The following PI4KA variants were observed in gnomAD, a reference collection of about 807,000 sequenced individuals.
PI4KA encodes the protein PI4-kinase alpha.
PI4KA carries 122 observed loss-of-function variants against 271.4 expected under a neutral mutation model. The ratio of observed to expected loss-of-function variants is 0.45; its 90% CI spans 0.39 to 0.52. PI4KA has a LOEUF of 0.52. PI4KA is among the 20% of genes least tolerant of loss of function. The probability of loss-of-function intolerance (pLI) is 0.00; values close to 1 mark genes in which losing one functional copy is unlikely to be tolerated. For synonymous variants in PI4KA, 1,041 were observed against 1,078.8 expected (o/e 0.96, Z 0.69); for missense variants, 1,969 against 2,769.1 (o/e 0.71, Z 6.48).
At chr22:20,777,211 TTTC>T (rs983308447) in intron 19 of PI4KA, among the ~76,000 whole-genome samples, 6 of 151,356 alleles carry the variant, frequency 4.0e-5, no homozygotes, top group African/African-American at 1.5e-4. Flanking sequence ...GCTAATTATT[TTTC>T]TTTTCTTTTT....
chr22:20,740,061 C>CAAAAAAA (rs59323542), intron 32 of PI4KA, among the ~76,000 whole-genome samples: 12 of 73,356 alleles, frequency 1.6e-4, no homozygotes, highest in African/African-American at 2.0e-4. Context: ...GACCCCATCT[C>CAAAAAAA]AAAAAAAAAA....
In PI4KA at chr22:20,755,788, C is replaced by T. The variant is rs77884527; in HGVS notation, c.2792-2608G>A. ...CTGCACTCTAGGCTGGGTGACAGAG[C>T]GACACACTGTCACATAAAAAAAAAA... is the stretch of plus-strand genomic sequence containing the variant. On this transcript the variant is annotated intron_variant, in intron 23 of 54. Transcript: ENST00000255882. 1.4e-4 allele frequency among the ~76,000 whole-genome samples: 20 copies of T among 145,980 alleles called. 1 individual carries two copies. The East Asian group carries it at 1.6e-3, about 12-fold the overall frequency.
Position 20,858,793 on chromosome 22 carries a change from C to G in PI4KA, c.-68G>C, listed in dbSNP as rs948854191. ...GGCCCGCGAGCGCCCGACCTCAGGG[C>G]GCAGGCGTAGGTGCATCCGGCTTTC... On this transcript the variant is annotated 5_prime_UTR_variant, in exon 1 of 55. Transcript: ENST00000255882. 2.9e-6 allele frequency: 4 copies of G among 1,367,162 alleles called. No individual in the cohort carries two copies. Among genetic ancestry groups the G allele is most frequent in the South Asian group, 3.1e-5 (2 of 64,832 alleles). 84.7% of individuals were successfully genotyped at this position (1,367,162 alleles called of 1,614,324 possible).
chr22:20,847,929 A>G (rs1821546152), intron 1 of PI4KA, among the ~76,000 whole-genome samples: 1 of 152,154 alleles, frequency 6.6e-6, no homozygotes, highest in Non-Finnish European at 1.5e-5. Flanking sequence ...AGATCAAAAC[A>G]GTTACTATTG....
chr22:20,756,300 C>T (rs1364579202), intron 23 of PI4KA, among the ~76,000 whole-genome samples: 2 of 151,642 alleles, frequency 1.3e-5, no homozygotes, highest in Admixed American at 6.6e-5. Context: ...CAACCTCCGA[C>T]GGGTTGCATT....
rs1268010562 is a variant in PI4KA at position 20,771,380 on chromosome 22, G to A, written c.2329-5687C>T. Among the ~76,000 whole-genome samples the A allele has an allele frequency of 8.0e-5, 12 of 149,342 alleles. No homozygotes were observed. In the East Asian group the frequency reaches 8.1e-4, roughly 10 times the overall value. On this transcript the variant is annotated intron_variant, in intron 19 of 54. Transcript: ENST00000255882. The stretch of plus-strand genomic sequence containing the variant: ...GGAGCTTGCAGTGAGCTGAGATTGC[G>A]CCACTGCACTCCAGCCTGGGCGACA...
At chr22:20,818,415 C>G in intron 7 of PI4KA, 68 bp downstream of exon 7, 1 of 1,212,174 alleles carries the variant, frequency 8.2e-7, no homozygotes, top group Non-Finnish European at 1.2e-6. Context: ...CTTAATATCA[C>G]GAGAAGTCAC....
chr22:20,858,726 C>G lies in PI4KA; in HGVS notation c.-1G>C. ...CTCCCCGGGCCGGGGCCGCCGCCAT[C>G]ACCTCACGAGCCGCGGCGCTGCCCG... On this transcript the variant is annotated 5_prime_UTR_variant, in exon 1 of 55. Transcript: ENST00000255882. The G allele has an allele frequency of 7.0e-7, 1 of 1,434,888 alleles. No homozygotes were observed. The highest frequency in any genetic ancestry group is 9.1e-7 in the Non-Finnish European group (1 of 1,097,396). The allele number at this position is 1,434,888 out of a possible 1,614,324, so 88.9% of individuals were successfully genotyped here.
At chr22:20,758,386 A>C (rs1568996872) in intron 23 of PI4KA, among the ~76,000 whole-genome samples, 2 of 145,566 alleles carry the variant, frequency 1.4e-5, no homozygotes, top group Non-Finnish European at 3.0e-5. Flanking sequence ...AAAAAAAAAA[A>C]AAACATGAGA....
At chr22:20,842,903 G>T (rs1925745263) in intron 1 of PI4KA, among the ~76,000 whole-genome samples, 2 of 151,686 alleles carry the variant, frequency 1.3e-5, no homozygotes, top group Admixed American at 6.6e-5. Context: ...GAGATCAGGA[G>T]ATCGAGACCA....
intron 29 of PI4KA, 153 bp downstream of exon 29, chr22:20,747,430 G>A (rs1273867790): frequency 1.8e-5 from 12 of 658,916 alleles, no homozygotes; most frequent in African/African-American, 3.7e-5. Flanking sequence ...GCCAAGGTGC[G>A]GCTTGCACCA....
chr22:20,768,566 T>C (rs1176044992), intron 19 of PI4KA, among the ~76,000 whole-genome samples: 2 of 152,232 alleles, frequency 1.3e-5, no homozygotes, highest in Admixed American at 1.3e-4. Context: ...ACTCTTCTTC[T>C]TTAATGTCTA....
chr22:20,714,021 G>A (rs2147177365), intron 47 of PI4KA, among the ~76,000 whole-genome samples: 1 of 152,324 alleles, frequency 6.6e-6, no homozygotes, highest in East Asian at 1.9e-4. Context: ...TGGGAGTGGA[G>A]CATCTGCAGG....
intron 19 of PI4KA, among the ~76,000 whole-genome samples, chr22:20,776,141 G>A (rs989837613): frequency 1.3e-5 from 2 of 152,090 alleles, no homozygotes; most frequent in African/African-American, 4.8e-5. Context: ...GGGCAACATG[G>A]TAAAACCCCA....
At chr22:20,763,024 G>GC (rs61316459) in intron 22 of PI4KA, among the ~76,000 whole-genome samples, 1 of 94,726 alleles carries the variant, frequency 1.1e-5, no homozygotes, top group African/African-American at 5.2e-5. Context: ...TTTTGGGGGG[G>GC]GGGGGGGTTA....
intron 19 of PI4KA, among the ~76,000 whole-genome samples, chr22:20,792,369 C>T (rs1302928034): frequency 6.6e-6 from 1 of 152,144 alleles, no homozygotes; most frequent in Non-Finnish European, 1.5e-5. Flanking sequence ...GCCTGACCTC[C>T]ACGTCCCTAG....
At chr22:20,768,999 T>G (rs148161747) in intron 19 of PI4KA, among the ~76,000 whole-genome samples, 1 of 152,168 alleles carries the variant, frequency 6.6e-6, no homozygotes, top group Non-Finnish European at 1.5e-5. Flanking sequence ...GGTGGAGATA[T>G]GAAGGGGTTT....
chr22:20,729,813 G>T, intron 37 of PI4KA, 79 bp downstream of exon 37: 2 of 1,599,584 alleles, frequency 1.3e-6, no homozygotes, highest in South Asian at 2.2e-5. Flanking sequence ...TCTGCTGTCT[G>T]AGCAAGTGTC....
intron 32 of PI4KA, chr22:20,736,300 G>A (rs1239304477): frequency 1.3e-5 from 2 of 151,238 alleles, no homozygotes; most frequent in African/African-American, 4.9e-5. Flanking sequence ...AATCATCCGT[G>A]GGAAGTGCAA....
Sources: allele counts gnomAD v4.1 joint callset (sites outside exome capture counted in the v4.1 genomes callset), GRCh38; gene constraint gnomAD v4.1.1; transcripts MANE v1.5; gene names NCBI Gene and HGNC (gene_info 2026-07-23, HGNC 2026-07-21).